SRRM4: variants seen among roughly 807,000 people sequenced by gnomAD.
SRRM4 encodes the protein serine/arginine repetitive matrix protein 4.
A neutral mutation model predicts 68.9 loss-of-function variants in SRRM4; 33 were observed. That is an observed-to-expected ratio of 0.48 (90% confidence interval 0.36 to 0.64). The LOEUF (loss-of-function observed/expected upper bound fraction) is 0.64, where lower values mean the gene tolerates loss of function less well. Ranked by LOEUF, SRRM4 falls within the 30% of genes least tolerant of loss-of-function variation. The probability of loss-of-function intolerance (pLI) is 0.00; values close to 1 mark genes in which losing one functional copy is unlikely to be tolerated. For missense variants in SRRM4, 817 were observed against 827.1 expected (o/e 0.99, Z 0.15); for synonymous variants, 318 against 318.8 (o/e 1.00, Z 0.03).
At chr12:119,081,105 T>C (rs970997028) in intron 1 of SRRM4, among the ~76,000 whole-genome samples, 7 of 152,178 alleles carry the variant, frequency 4.6e-5, no homozygotes, top group African/African-American at 1.2e-4. Flanking sequence ...GAGAAATAGC[T>C]GTGAATGAAA....
rs182747484 is a variant in SRRM4, at chr12:119,082,826, A to G, written c.132-19410A>G. Among the ~76,000 whole-genome samples, 47 of 152,350 alleles carry G rather than the reference A, an allele frequency of 3.1e-4. No homozygotes were observed. In the East Asian group the frequency reaches 8.1e-3, roughly 26 times the overall value. Reference sequence around the variant, plus strand: ...TGCTGCTTTGCCACTCACTGGCTATATGACCCAGAGCAGGTCAGGTCCCTT... The same window carrying G: ...TGCTGCTTTGCCACTCACTGGCTATGTGACCCAGAGCAGGTCAGGTCCCTT... On this transcript the variant is annotated intron_variant, in intron 1 of 12. Coordinates refer to ENST00000267260, the MANE Select transcript of SRRM4 (RefSeq NM_194286.4).
intron 8 of SRRM4, chr12:119,132,349 A>G (rs1243631340): frequency 6.6e-6 from 1 of 152,138 alleles, no homozygotes; most frequent in Non-Finnish European, 1.5e-5. Context: ...TCCCAGGAGG[A>G]TTGTGGCAAA....
intron 1 of SRRM4, among the ~76,000 whole-genome samples, chr12:119,101,399 T>C (rs1190738134): frequency 6.6e-6 from 1 of 152,082 alleles, no homozygotes; most frequent in East Asian, 1.9e-4. Context: ...CCTGTGTCAT[T>C]GGCAGAGTTG....
intron 1 of SRRM4, among the ~76,000 whole-genome samples, chr12:119,086,113 T>C (rs1412663676): frequency 6.6e-6 from 1 of 152,110 alleles, no homozygotes; most frequent in Non-Finnish European, 1.5e-5. Flanking sequence ...GTTTGAACAA[T>C]GGATTACAGG....
At chr12:119,074,735 C>A (rs1381457100) in intron 1 of SRRM4, among the ~76,000 whole-genome samples, 1 of 152,130 alleles carries the variant, frequency 6.6e-6, no homozygotes, top group Admixed American at 6.5e-5. Flanking sequence ...AACCACCACA[C>A]CCCTGACCCT....
At chr12:119,147,545 A>T (rs1954411903) in intron 9 of SRRM4, among the ~76,000 whole-genome samples, 1 of 152,244 alleles carries the variant, frequency 6.6e-6, no homozygotes, top group Non-Finnish European at 1.5e-5. Context: ...AGTGGGGAAT[A>T]AGGCTGTGCG....
chr12:119,159,533 G>A lies in SRRM4; in HGVS notation c.*2735G>A, dbSNP rs1954496024. The A allele has an allele frequency of 6.6e-6, 1 of 152,148 alleles. No individual in the cohort carries two copies. The highest frequency in any genetic ancestry group is 6.5e-5 in the Admixed American group (1 of 15,272). 9.4% of individuals were successfully genotyped at this position (152,148 alleles called of 1,614,324 possible). On this transcript the variant is annotated 3_prime_UTR_variant, in exon 13 of 13. Transcript: ENST00000267260. Reference sequence around the variant, plus strand: ...CCATGGTGGATGAAAATGATGTCTGGTTTAGTACTGGAATTGCACTTGGGG... The same window carrying A: ...CCATGGTGGATGAAAATGATGTCTGATTTAGTACTGGAATTGCACTTGGGG...
chr12:119,076,951 G>A (rs984406753), intron 1 of SRRM4, among the ~76,000 whole-genome samples: 7 of 30,634 alleles, frequency 2.3e-4, no homozygotes, highest in African/African-American at 6.0e-4. Context: ...AAATTTAAAG[G>A]GGGTATTTTT....
Position 119,151,298 on chromosome 12 carries a change from AT to A in SRRM4, c.1280+79del, listed in dbSNP as rs1954437876. ...GTTAATTGCAGATGTCCTTTGACCC[AT>A]GGGGGAGAGAAGTCAGACGGACTTA... On this transcript the variant is annotated intron_variant, in intron 10 of 12. Coordinates refer to ENST00000267260, the MANE Select transcript of SRRM4 (RefSeq NM_194286.4). 1.3e-5 allele frequency: 17 copies of A among 1,346,210 alleles called. 1 individual carries two copies. The South Asian group carries it at 1.8e-4, about 14-fold the overall frequency. 83.4% of individuals were successfully genotyped at this position (1,346,210 alleles called of 1,614,324 possible).
rs1305836534 is a variant in SRRM4 at position 119,160,320 on chromosome 12, TCTCA to T, written c.*3523_*3526del. On this transcript the variant is annotated 3_prime_UTR_variant, in exon 13 of 13. Coordinates refer to ENST00000267260, the MANE Select transcript of SRRM4 (RefSeq NM_194286.4). ...CTCTCTCTCTCTCTCTCTCTCTCTC[TCTCA>T]GTGTATTTCTCTACTTTCTTTTACA... The T allele has an allele frequency of 9.5e-5, 14 of 146,854 alleles. No homozygotes were observed. Among genetic ancestry groups the T allele is most frequent in the Admixed American group, 4.1e-4 (6 of 14,764 alleles). 9.1% of individuals were successfully genotyped at this position (146,854 alleles called of 1,614,324 possible).
At chr12:119,134,660 T>C (rs1565916502) in intron 8 of SRRM4, among the ~76,000 whole-genome samples, 3 of 152,168 alleles carry the variant, frequency 2.0e-5, no homozygotes, top group Non-Finnish European at 2.9e-5. Context: ...CTCAAAATCC[T>C]GAAACAGAAA....
intron 1 of SRRM4, among the ~76,000 whole-genome samples, chr12:118,997,190 G>T (rs991742616): frequency 6.6e-6 from 1 of 152,248 alleles, no homozygotes; most frequent in East Asian, 1.9e-4. Flanking sequence ...GAACTGAGTC[G>T]CTAGTAATGA....
At chr12:119,151,330 G>C (rs1242866212) in intron 10 of SRRM4, 110 bp downstream of exon 10, 2 of 1,027,004 alleles carry the variant, frequency 1.9e-6, no homozygotes, top group South Asian at 1.4e-5. Flanking sequence ...ACTTAGGTTT[G>C]AATACTCGTT....
intron 1 of SRRM4, among the ~76,000 whole-genome samples, chr12:119,046,069 A>T (rs538392570): frequency 5.8e-4 from 88 of 150,982 alleles, no homozygotes; most frequent in African/African-American, 1.1e-3. Context: ...AAATAATAAT[A>T]ATTATTATTA....
intron 2 of SRRM4, among the ~76,000 whole-genome samples, chr12:119,111,388 T>A (rs564786657): frequency 6.6e-6 from 1 of 152,176 alleles, no homozygotes; most frequent in Non-Finnish European, 1.5e-5. Flanking sequence ...CTCACACACC[T>A]CAAATGTCTC....
chr12:119,159,058 T>C lies in SRRM4; in HGVS notation c.*2260T>C, dbSNP rs184191837. 4 of 152,074 alleles carry C rather than the reference T, an allele frequency of 2.6e-5. No homozygotes were observed. The highest frequency in any genetic ancestry group is 4.4e-5 in the Non-Finnish European group (3 of 68,144). The allele number at this position is 152,074 out of a possible 1,614,324, so 9.4% of individuals were successfully genotyped here. On this transcript the variant is annotated 3_prime_UTR_variant, in exon 13 of 13. Transcript: ENST00000267260. ...AAATTATTTCTGTGCATCTCCTTTT[T>C]TTTTCTGCTGTTTTTTATGGATGGG... is the stretch of plus-strand genomic sequence containing the variant.
At chr12:119,042,291 G>A (rs953628541) in intron 1 of SRRM4, among the ~76,000 whole-genome samples, 3 of 151,824 alleles carry the variant, frequency 2.0e-5, no homozygotes, top group African/African-American at 7.3e-5. Context: ...GGTGGGAGAG[G>A]AAAGGAGGAG....
At chr12:119,065,224 T>G (rs931812269) in intron 1 of SRRM4, among the ~76,000 whole-genome samples, 1 of 152,148 alleles carries the variant, frequency 6.6e-6, no homozygotes, top group African/African-American at 2.4e-5. Context: ...ATTCTAAATC[T>G]CTTGTCTCCT....
At chr12:119,067,853 G>A (rs1001218278) in intron 1 of SRRM4, among the ~76,000 whole-genome samples, 7 of 152,368 alleles carry the variant, frequency 4.6e-5, no homozygotes, top group African/African-American at 1.7e-4. Context: ...TCTGTAAAAT[G>A]GAGGTAATAC....
Sources: gnomAD v4.1 joint callset for allele counts (sites outside exome capture counted in the v4.1 genomes callset) on GRCh38, gnomAD v4.1.1 for gene constraint, MANE v1.5 for transcripts, NCBI Gene and HGNC (gene_info 2026-07-23, HGNC 2026-07-21) for gene names.